MYO1F: variants seen among roughly 807,000 people sequenced by gnomAD.
MYO1F encodes the protein myosin IF, also known as unconventional myosin-If.
A neutral mutation model predicts 146.6 loss-of-function variants in MYO1F; 60 were observed. That is an observed-to-expected ratio of 0.41 (90% CI 0.33 to 0.51). MYO1F has a LOEUF of 0.51. Ranked by LOEUF, MYO1F falls within the 20% of genes least tolerant of loss-of-function variation. The pLI, the probability that MYO1F is intolerant of heterozygous loss-of-function variation, is 0.25. For missense variants in MYO1F, 1,274 were observed against 1,534.3 expected (o/e 0.83, Z 2.83); for synonymous variants, 602 against 602.1 (o/e 1.00, Z 0.00).
chr19:8,575,078 C>CTTT (rs576218913), intron 1 of MYO1F, among the ~76,000 whole-genome samples: 1 of 135,572 alleles, frequency 7.4e-6, no homozygotes, highest in Admixed American at 7.5e-5. Flanking sequence ...TTTTCTTTTT[C>CTTT]TTTTTTTTTT....
In MYO1F at chr19:8,551,822, G is replaced by C; in HGVS notation, c.689C>G (p.Pro230Arg). 2.5e-6 allele frequency: 4 copies of C among 1,614,072 alleles called. No homozygotes were observed. Among genetic ancestry groups the C allele is most frequent in the Non-Finnish European group, 3.4e-6 (4 of 1,180,016 alleles). Reference protein sequence around the residue: ...EQRQNLGLMTPDYYYYLNQSD... With the variant: ...EQRQNLGLMTRDYYYYLNQSD... ...TTGGTTGAGGTAGTAATAGTAGTCC[G>C]GTGTCATGAGGCCCAGGTTCTGCCT... The change falls in exon 8 of 28, where the codon CCG becomes CGG. Residue 230 changes from proline to arginine, a missense_variant. Physicochemically the swap from Pro to Arg is moderately radical, Grantham distance 103. Transcript: ENST00000644032.
Position 8,577,267 on chromosome 19 carries a change from T to A in MYO1F, c.3+40A>T. On this transcript the variant is annotated intron_variant, in intron 1 of 27. Transcript: ENST00000644032. This position sits in a 1 kb window ranked among gnomAD's most constrained non-coding sequence, Gnocchi z 4.3. ...GACACCTCCACCTGGCTGGTGTCCCTCCTCTTTCTTCTTCCAGATCCCACC... is the reference window on the plus strand; with the variant it reads ...GACACCTCCACCTGGCTGGTGTCCCACCTCTTTCTTCTTCCAGATCCCACC... The A allele has an allele frequency of 6.2e-7, 1 of 1,612,154 alleles. No homozygotes were observed. Among genetic ancestry groups the A allele is most frequent in the South Asian group, 1.1e-5 (1 of 90,728 alleles).
rs564086182 is a variant in MYO1F, at chr19:8,539,915, G to A, written c.1692+32C>T. ...TAGGGTGGAACTCAGCCCTCTGCAG[G>A]CCCAGCTCCCCGTTGTACACCCCAG... On this transcript the variant is annotated intron_variant, in intron 16 of 27. Transcript: ENST00000644032. The A allele has an allele frequency of 4.0e-4, 642 of 1,601,128 alleles. 9 individuals carry two copies. The South Asian group carries it at 6.5e-3, about 16-fold the overall frequency.
chr19:8,540,057 G>A (rs1232063321), intron 15 of MYO1F, 29 bp from the exon 16 acceptor site: 1 of 1,588,528 alleles, frequency 6.3e-7, no homozygotes, highest in South Asian at 1.1e-5. Context: ...AGGAGGAGTT[G>A]GAGGTATGGC....
At chr19:8,548,212 G>A in intron 11 of MYO1F, 25 bp downstream of exon 11, 2 of 1,613,710 alleles carry the variant, frequency 1.2e-6, no homozygotes, top group South Asian at 1.1e-5. Context: ...AGGACAGGAT[G>A]TGGGCTGGAG....
In MYO1F at chr19:8,522,483, C is replaced by T. The variant is rs187667984; in HGVS notation, c.3114G>A (p.Gln1038=). 258 of 1,613,974 alleles carry T rather than the reference C, an allele frequency of 1.6e-4. 1 individual carries two copies. The East Asian group carries it at 5.6e-3, about 35-fold the overall frequency. Residue 1038 remains glutamine, a synonymous_variant, in exon 27 of 28, where the codon CAG becomes CAA. Transcript: ENST00000644032. Reference sequence around the variant, plus strand: ...GGCACCTGGGACCATGTGTCCGAGGCTGGGGCTTGGGTCGGCCCACACCAG... The same window carrying T: ...GGCACCTGGGACCATGTGTCCGAGGTTGGGGCTTGGGTCGGCCCACACCAG... The part of the protein sequence containing the change: ...PVPGVGRPKP[Q]PRTHGPRCRA...
intron 19 of MYO1F, among the ~76,000 whole-genome samples, chr19:8,535,970 C>T (rs1436019219): frequency 6.6e-6 from 1 of 152,082 alleles, no homozygotes; most frequent in Admixed American, 6.6e-5. Context: ...CATGAGCCAC[C>T]GCGCCCGGCA....
chr19:8,543,777 CTGGTGGTGCTGG>C (rs1657174937), intron 14 of MYO1F, among the ~76,000 whole-genome samples: 1 of 10,856 alleles, frequency 9.2e-5, no homozygotes, highest in Admixed American at 9.2e-4. Flanking sequence ...GCTGGTGGTG[CTGGTGGTGCTGG>C]TGGTGGTGGT....
chr19:8,537,942 T>G (rs1375102703), intron 16 of MYO1F, among the ~76,000 whole-genome samples: 2 of 151,642 alleles, frequency 1.3e-5, no homozygotes, highest in South Asian at 4.2e-4. Context: ...CCTGAGAGGT[T>G]TGCCTTGGGT....
At chr19:8,563,918 T>C (rs921917574) in intron 1 of MYO1F, among the ~76,000 whole-genome samples, 2 of 152,106 alleles carry the variant, frequency 1.3e-5, no homozygotes, top group African/African-American at 4.8e-5. Flanking sequence ...CATGAGCCAC[T>C]GCGCTTTGGC....
intron 23 of MYO1F, 92 bp from the exon 24 acceptor site, chr19:8,526,693 G>C (rs1972283500): frequency 2.0e-6 from 3 of 1,531,736 alleles, no homozygotes; most frequent in East Asian, 2.4e-5. Context: ...GGCCGCGGCC[G>C]GGGCCGAAGC....
At chr19:8,542,631 T>G (rs1248352086) in intron 14 of MYO1F, among the ~76,000 whole-genome samples, 2 of 151,498 alleles carry the variant, frequency 1.3e-5, no homozygotes, top group African/African-American at 4.8e-5. Flanking sequence ...GAAAGAGTCT[T>G]GCTCTATCAC....
intron 7 of MYO1F, 48 bp downstream of exon 7, chr19:8,551,985 C>G: frequency 6.2e-7 from 1 of 1,613,856 alleles, no homozygotes; most frequent in South Asian, 1.1e-5. Context: ...TTGTCCACCC[C>G]GCTGGGCTCC....
At position 8,553,098 on chromosome 19, in the gene MYO1F, CG is replaced by C. The variant is rs753190472; in HGVS notation, c.504+40del. The C allele has an allele frequency of 2.5e-6, 4 of 1,578,670 alleles. No individual in the cohort carries two copies. The African/African-American group carries it at 5.4e-5, about 21-fold the overall frequency. ...GGGTGTGTGTGTAGAAAGGTCAGCA[CG>C]GAGGGAGCAGCTGCTCCAAGCAGGT... On this transcript the variant is annotated intron_variant, in intron 6 of 27. Coordinates refer to ENST00000644032, the MANE Select transcript of MYO1F (RefSeq NM_012335.4).
chr19:8,533,055 A>G (rs1045947396), intron 19 of MYO1F, among the ~76,000 whole-genome samples: 2 of 151,876 alleles, frequency 1.3e-5, no homozygotes, highest in Non-Finnish European at 2.9e-5. Context: ...TGCTGACCAA[A>G]ATAGTTTTAA....
rs751067455 is a variant in MYO1F at position 8,555,728 on chromosome 19, A to G, written c.72T>C (p.Leu24=). The part of the protein sequence containing the change: ...VKQSGVDDMV[L]LPQITEDAIA... ...TGGCGTCTTCGGTGATCTGGGGAAG[A>G]AGCACCATGTCATCCACGCCGCTCT... Residue 24 remains leucine (L), a synonymous_variant, in exon 2 of 28, where the codon CTT becomes CTC. Coordinates refer to ENST00000644032, the MANE Select transcript of MYO1F (RefSeq NM_012335.4). The G allele has an allele frequency of 1.2e-6, 2 of 1,614,106 alleles. No individual in the cohort carries two copies. Among genetic ancestry groups the G allele is most frequent in the Admixed American group, 3.3e-5 (2 of 60,000 alleles).
chr19:8,525,568 AG>A lies in MYO1F; in HGVS notation c.2771-7del. 6.2e-7 allele frequency: 1 copy of A among 1,612,300 alleles called. No homozygotes were observed. Among genetic ancestry groups the A allele is most frequent in the South Asian group, 1.1e-5 (1 of 91,028 alleles). On this transcript the variant is annotated splice_polypyrimidine_tract_variant and splice_region_variant and intron_variant, in intron 24 of 27. Transcript: ENST00000644032. Reference sequence around the variant, plus strand: ...CATTCCCTTCCGCGTAGGCTCTGAAAGAAGAGTGTCAGGGAGTTGAATGACA... The same window carrying A: ...CATTCCCTTCCGCGTAGGCTCTGAAAAAGAGTGTCAGGGAGTTGAATGACA...
At chr19:8,526,714 C>G (rs888337395) in intron 23 of MYO1F, 75 bp downstream of exon 23, 8 of 1,535,470 alleles carry the variant, frequency 5.2e-6, no homozygotes, top group Non-Finnish European at 6.1e-6. Context: ...GCAGTTCGGC[C>G]GGGTCGGTGG....
chr19:8,571,444 T>C (rs1213082057), intron 1 of MYO1F, among the ~76,000 whole-genome samples: 1 of 151,700 alleles, frequency 6.6e-6, no homozygotes, highest in Non-Finnish European at 1.5e-5. Flanking sequence ...AGATGGAATC[T>C]CACTCTGTTG....
Sources: allele counts gnomAD v4.1 joint callset (sites outside exome capture counted in the v4.1 genomes callset), GRCh38; gene constraint gnomAD v4.1.1; non-coding constraint Gnocchi (gnomAD v3.1); transcripts MANE v1.5; gene names NCBI Gene and HGNC (gene_info 2026-07-23, HGNC 2026-07-21).